Variants in PTPRT observed in about 807,000 individuals in gnomAD.
PTPRT encodes the protein protein tyrosine phosphatase receptor type T.
In PTPRT, 56 loss-of-function variants were observed where a neutral mutation model predicts 176.8. That is an observed-to-expected ratio of 0.32 (90% CI 0.26 to 0.40). The LOEUF is 0.40. Ranked by LOEUF, PTPRT falls within the 10% of genes least tolerant of loss-of-function variation. PTPRT has a pLI of 1.00. For synonymous variants in PTPRT, 783 were observed against 739.0 expected, an observed-to-expected ratio of 1.06 and a Z score of -0.96; for missense variants, 1,540 against 1,908.2, an observed-to-expected ratio of 0.81 and a Z score of 3.60.
At position 42,128,740 on chromosome 20, in the gene PTPRT, A is replaced by G; in HGVS notation, c.2847+14T>C. The G allele has an allele frequency of 6.3e-7, 1 of 1,581,188 alleles. No individual in the cohort carries two copies. The highest frequency in any genetic ancestry group is 8.6e-7 in the Non-Finnish European group (1 of 1,161,396). On this transcript the variant is annotated intron_variant, in intron 19 of 30. Coordinates refer to ENST00000373187, the MANE Select transcript of PTPRT (RefSeq NM_007050.6). ...AAAGCCAGCCCCAGCCCCCAGCCCC[A>G]TTAAGACACTCACGTCAATGTAGTT...
At chr20:42,570,795 C>A (rs6130166) in intron 7 of PTPRT, among the ~76,000 whole-genome samples, 18 of 152,062 alleles carry the variant, frequency 1.2e-4, no homozygotes, top group Admixed American at 3.3e-4. Context: ...ACATTGGGCC[C>A]ACCTGAATAA....
chr20:42,553,295 A>G (rs1240903566), intron 7 of PTPRT, among the ~76,000 whole-genome samples: 1 of 151,992 alleles, frequency 6.6e-6, no homozygotes, highest in African/African-American at 2.4e-5. Flanking sequence ...TTTCTTCTCC[A>G]CACATTTTTC....
intron 1 of PTPRT, among the ~76,000 whole-genome samples, chr20:42,961,568 A>C (rs1396861966): frequency 6.6e-6 from 1 of 152,208 alleles, no homozygotes. Flanking sequence ...AAATGAGCAA[A>C]GATGTGGGGT....
chr20:43,185,305 A>C (rs1001813334), intron 1 of PTPRT, among the ~76,000 whole-genome samples: 4 of 152,156 alleles, frequency 2.6e-5, no homozygotes, highest in East Asian at 1.9e-4. Flanking sequence ...TCAAGTGCAC[A>C]AAGTATCTTT....
chr20:43,097,955 G>A lies in PTPRT; in HGVS notation c.88+91691C>T, dbSNP rs148657489. Among the ~76,000 whole-genome samples the A allele has an allele frequency of 2.8e-3, 427 of 152,262 alleles. 2 individuals carry two copies. The highest frequency in any genetic ancestry group is 9.2e-3 in the African/African-American group (382 of 41,542). On this transcript the variant is annotated intron_variant, in intron 1 of 30. Transcript: ENST00000373187. ...GATGCAAGTGCAGCACAGTGCGCGG[G>A]CTGTACAAAGCAAGCAGGGAGGCTT...
At chr20:42,429,352 C>T (rs886376490) in intron 9 of PTPRT, among the ~76,000 whole-genome samples, 1 of 152,002 alleles carries the variant, frequency 6.6e-6, no homozygotes, top group Non-Finnish European at 1.5e-5. Flanking sequence ...GCAGAGGTAT[C>T]GTGGAGGAGT....
chr20:43,001,721 C>G (rs1984565839), intron 1 of PTPRT, among the ~76,000 whole-genome samples: 2 of 151,980 alleles, frequency 1.3e-5, no homozygotes, highest in Non-Finnish European at 2.9e-5. Flanking sequence ...CATGATTAAG[C>G]TGGATTCAAC....
chr20:42,422,256 A>T (rs1283358067), intron 9 of PTPRT, among the ~76,000 whole-genome samples: 1 of 152,228 alleles, frequency 6.6e-6, no homozygotes, highest in East Asian at 1.9e-4. Flanking sequence ...CTATCAACAG[A>T]CTAAAAAGAC....
intron 7 of PTPRT, among the ~76,000 whole-genome samples, chr20:42,557,145 A>C (rs1474661359): frequency 1.3e-5 from 2 of 152,104 alleles, no homozygotes; most frequent in African/African-American, 4.8e-5. Context: ...CAATGACCTC[A>C]AAGGCTTGTT....
At chr20:42,103,909 T>A (rs928667617) in intron 25 of PTPRT, among the ~76,000 whole-genome samples, 4 of 152,232 alleles carry the variant, frequency 2.6e-5, no homozygotes, top group Non-Finnish European at 4.4e-5. Flanking sequence ...CTGTGCATTT[T>A]GTGTTCTGGA....
intron 1 of PTPRT, among the ~76,000 whole-genome samples, chr20:43,126,886 C>T (rs1284244839): frequency 6.6e-6 from 1 of 152,152 alleles, no homozygotes; most frequent in East Asian, 1.9e-4. Context: ...CAACCTGGGT[C>T]CCAGAATCAT....
intron 7 of PTPRT, among the ~76,000 whole-genome samples, chr20:42,531,227 G>C (rs928787558): frequency 6.6e-6 from 1 of 152,164 alleles, no homozygotes; most frequent in Non-Finnish European, 1.5e-5. Flanking sequence ...TTTGCAATGA[G>C]TTACTATTTT....
At chr20:42,124,385 G>C (rs969410881) in intron 19 of PTPRT, among the ~76,000 whole-genome samples, 1 of 152,166 alleles carries the variant, frequency 6.6e-6, no homozygotes, top group Non-Finnish European at 1.5e-5. Flanking sequence ...TTACTTACTG[G>C]GGACCCAGAT....
At chr20:42,232,790 T>G (rs2056161569) in intron 15 of PTPRT, among the ~76,000 whole-genome samples, 1 of 136,030 alleles carries the variant, frequency 7.4e-6, no homozygotes. Flanking sequence ...AGGTAGCCAG[T>G]ATCATGTTTC....
At chr20:42,717,893 G>A (rs765461127) in intron 6 of PTPRT, among the ~76,000 whole-genome samples, 6 of 151,628 alleles carry the variant, frequency 4.0e-5, no homozygotes, top group African/African-American at 9.8e-5. Flanking sequence ...GTGTGCATGC[G>A]CGTGCACACG....
At chr20:42,771,361 A>T (rs922116605) in intron 5 of PTPRT, 74 bp downstream of exon 5, 12 of 1,311,046 alleles carry the variant, frequency 9.2e-6, no homozygotes, top group Admixed American at 1.7e-5. Context: ...GTTGCCATAG[A>T]GCTGCTTCCT....
chr20:42,279,907 T>C (rs2057109970), intron 13 of PTPRT, among the ~76,000 whole-genome samples: 1 of 151,958 alleles, frequency 6.6e-6, no homozygotes, highest in African/African-American at 2.4e-5. Flanking sequence ...TGGCCTTGAG[T>C]CTGACATATG....
At chr20:42,895,397 C>T (rs551011777) in intron 1 of PTPRT, among the ~76,000 whole-genome samples, 3 of 152,304 alleles carry the variant, frequency 2.0e-5, no homozygotes, top group South Asian at 4.1e-4. Context: ...TTCTTATAGG[C>T]CTTGTCTCCA....
chr20:42,453,292 A>C (rs1445554469), intron 8 of PTPRT, among the ~76,000 whole-genome samples: 1 of 152,078 alleles, frequency 6.6e-6, no homozygotes, highest in Non-Finnish European at 1.5e-5. Flanking sequence ...TTATCCAGTA[A>C]ACTGTATAAA....
Sources: gnomAD v4.1 joint callset for allele counts (sites outside exome capture counted in the v4.1 genomes callset) on GRCh38, gnomAD v4.1.1 for gene constraint, MANE v1.5 for transcripts, NCBI Gene and HGNC (gene_info 2026-07-23, HGNC 2026-07-21) for gene names.